Variants in FA2H observed in about 807,000 individuals in gnomAD.
FA2H encodes fatty acid alpha-hydroxylase.
In FA2H, 22 loss-of-function variants were observed where a neutral mutation model predicts 44.9. The observed-to-expected ratio is 0.49, with a 90% CI of 0.35 to 0.70. FA2H has a LOEUF of 0.70. Ranked by LOEUF, FA2H falls within the 30% of genes least tolerant of loss-of-function variation. FA2H has a pLI of 0.01. For missense variants in FA2H, 501 were observed against 504.9 expected (o/e 0.99, Z 0.07); for synonymous variants, 243 against 213.2 (o/e 1.14, Z -1.22).
chr16:74,733,412 A>G (rs1410522234), intron 2 of FA2H, among the ~76,000 whole-genome samples: 2 of 151,926 alleles, frequency 1.3e-5, no homozygotes. Context: ...TTGAGATAGG[A>G]TTGGTTGGGC....
chr16:74,750,762 TG>T lies in FA2H; in HGVS notation c.271-10648del, dbSNP rs1962512452. 7.9e-4 allele frequency among the ~76,000 whole-genome samples: 3 copies of T among 3,780 alleles called. No homozygotes were observed. In the South Asian group the frequency reaches 0.062, roughly 79 times the overall value. The allele number at this position is 3,780 out of a possible 152,430, so 2.5% of individuals were successfully genotyped here. A position where few individuals can be genotyped will look rare whatever the true frequency, so the allele number is the denominator to read the frequency against. On this transcript the variant is annotated intron_variant, in intron 1 of 6. Transcript: ENST00000219368. ...AGGCCTATGTCCTCTTTTTTTTCAC[TG>T]TGTGTGTGTGTGTGTGTGTGTGTGT...
intron 1 of FA2H, among the ~76,000 whole-genome samples, chr16:74,757,246 A>G (rs982467275): frequency 6.6e-6 from 1 of 152,242 alleles, no homozygotes; most frequent in East Asian, 1.9e-4. Context: ...AAACATGGAA[A>G]GACTCAGAAC....
chr16:74,724,322 C>G (rs942707154), intron 4 of FA2H, among the ~76,000 whole-genome samples: 1 of 152,220 alleles, frequency 6.6e-6, no homozygotes, highest in African/African-American at 2.4e-5. Flanking sequence ...CTCCCCTCCT[C>G]TCAGGGATGC....
chr16:74,714,023 G>C lies in FA2H; in HGVS notation c.*167C>G. The C allele has an allele frequency of 3.3e-6, 2 of 604,146 alleles. No homozygotes were observed. Among genetic ancestry groups the C allele is most frequent in the Non-Finnish European group, 5.9e-6 (2 of 336,250 alleles). The allele number at this position is 604,146 out of a possible 1,614,324, so 37.4% of individuals were successfully genotyped here. A position where few individuals can be genotyped will look rare whatever the true frequency, so the allele number is the denominator to read the frequency against. On this transcript the variant is annotated 3_prime_UTR_variant, in exon 7 of 7. Transcript: ENST00000219368. The stretch of plus-strand genomic sequence containing the variant: ...TGACCCTCCTACCAGGGGTCAGGAG[G>C]GCGGTCCTGCCTCAGGGCCCCCTCA...
At chr16:74,720,180 C>T (rs1335537482) in intron 4 of FA2H, among the ~76,000 whole-genome samples, 3 of 47,240 alleles carry the variant, frequency 6.4e-5, no homozygotes, top group Non-Finnish European at 1.1e-4. Context: ...CATCCTCATC[C>T]TTTTTTTTTT....
At chr16:74,756,300 C>G (rs550298935) in intron 1 of FA2H, among the ~76,000 whole-genome samples, 22 of 152,296 alleles carry the variant, frequency 1.4e-4, no homozygotes, top group African/African-American at 5.3e-4. Context: ...GCTCCTTCCA[C>G]ACCCCTCCCC....
intron 1 of FA2H, among the ~76,000 whole-genome samples, chr16:74,740,853 G>C (rs1404039841): frequency 1.3e-5 from 2 of 152,020 alleles, no homozygotes; most frequent in East Asian, 3.9e-4. Context: ...AGGGCACCTG[G>C]TGGGGCTCAC....
At chr16:74,770,677 T>C (rs1279503764) in intron 1 of FA2H, among the ~76,000 whole-genome samples, 1 of 152,180 alleles carries the variant, frequency 6.6e-6, no homozygotes, top group Non-Finnish European at 1.5e-5. Flanking sequence ...AGCCTTCCTC[T>C]CTCTCAATTT....
At chr16:74,753,646 C>T (rs997830047) in intron 1 of FA2H, among the ~76,000 whole-genome samples, 1 of 152,126 alleles carries the variant, frequency 6.6e-6, no homozygotes, top group Non-Finnish European at 1.5e-5. Flanking sequence ...GTACTCCAGC[C>T]TGGGTGACAG....
chr16:74,765,520 A>T (rs2054832539), intron 1 of FA2H, among the ~76,000 whole-genome samples: 1 of 152,172 alleles, frequency 6.6e-6, no homozygotes, highest in Non-Finnish European at 1.5e-5. Flanking sequence ...CACGTACCTC[A>T]GTTTTCCAAG....
chr16:74,715,567 T>C (rs1025702662), intron 6 of FA2H, among the ~76,000 whole-genome samples: 2 of 152,250 alleles, frequency 1.3e-5, no homozygotes, highest in African/African-American at 4.8e-5. Flanking sequence ...GCTGGGATTA[T>C]AGGCCTGAGC....
At chr16:74,741,838 ATG>A (rs1420870397) in intron 1 of FA2H, among the ~76,000 whole-genome samples, 2 of 39,968 alleles carry the variant, frequency 5.0e-5, no homozygotes, top group South Asian at 9.0e-4. Context: ...GTGTGTGTGT[ATG>A]TGTGTGTATG....
intron 2 of FA2H, among the ~76,000 whole-genome samples, chr16:74,737,187 C>A (rs1314957279): frequency 6.6e-6 from 1 of 152,064 alleles, no homozygotes; most frequent in Non-Finnish European, 1.5e-5. Flanking sequence ...CAAGGGAGGG[C>A]TCCGAAAAGG....
intron 4 of FA2H, among the ~76,000 whole-genome samples, chr16:74,725,213 T>C (rs1225900088): frequency 6.6e-6 from 1 of 152,186 alleles, no homozygotes; most frequent in African/African-American, 2.4e-5. Context: ...GTCAGGTGGA[T>C]AAATGAAGTT....
intron 1 of FA2H, among the ~76,000 whole-genome samples, chr16:74,757,034 T>G (rs1962624767): frequency 6.6e-6 from 1 of 151,558 alleles, no homozygotes; most frequent in African/African-American, 2.4e-5. Flanking sequence ...TTAAAGGTTT[T>G]GCGTTGAAAA....
intron 2 of FA2H, among the ~76,000 whole-genome samples, chr16:74,731,055 T>C (rs1460861083): frequency 6.6e-6 from 1 of 152,188 alleles, no homozygotes; most frequent in African/African-American, 2.4e-5. Flanking sequence ...TTTCCCATAC[T>C]TTTACTTTCA....
chr16:74,768,443 A>G (rs1449154897), intron 1 of FA2H, among the ~76,000 whole-genome samples: 1 of 152,200 alleles, frequency 6.6e-6, no homozygotes, highest in African/African-American at 2.4e-5. Context: ...ACAGCAGGCC[A>G]GAGTGTAGAA....
chr16:74,767,142 C>T (rs973182557), intron 1 of FA2H, among the ~76,000 whole-genome samples: 1 of 152,132 alleles, frequency 6.6e-6, no homozygotes, highest in Non-Finnish European at 1.5e-5. Context: ...AACCCCGTCT[C>T]TACTAAAAAT....
At chr16:74,722,117 C>T (rs1468555922) in intron 4 of FA2H, among the ~76,000 whole-genome samples, 4 of 152,192 alleles carry the variant, frequency 2.6e-5, no homozygotes, top group Non-Finnish European at 5.9e-5. Context: ...TCCCACCCTC[C>T]CTCCCAAGGG....
Sources: allele counts gnomAD v4.1 joint callset (sites outside exome capture counted in the v4.1 genomes callset), GRCh38; gene constraint gnomAD v4.1.1; transcripts MANE v1.5; gene names NCBI Gene and HGNC (gene_info 2026-07-23, HGNC 2026-07-21).